Variants in CAMK2D observed in about 807,000 individuals in gnomAD.
CAMK2D encodes the protein calcium/calmodulin dependent protein kinase II delta.
In CAMK2D, 37 loss-of-function variants were observed where a neutral mutation model predicts 84.0. The observed-to-expected ratio is 0.44, with a 90% CI of 0.34 to 0.58. The LOEUF (loss-of-function observed/expected upper bound fraction) is 0.58. Among genes scored for constraint, CAMK2D ranks in the 20% least tolerant of loss-of-function variants. The pLI is 0.02. For missense variants in CAMK2D, 448 were observed against 652.5 expected, an observed-to-expected ratio of 0.69 and a Z score of 3.41; for synonymous variants, 202 against 212.5, an observed-to-expected ratio of 0.95 and a Z score of 0.43.
intron 4 of CAMK2D, among the ~76,000 whole-genome samples, chr4:113,580,552 C>T (rs2098803251): frequency 6.6e-6 from 1 of 152,110 alleles, no homozygotes; most frequent in Non-Finnish European, 1.5e-5. Flanking sequence ...ACTTCCTTAG[C>T]TGTAAAACAT....
chr4:113,618,638 A>C (rs2099031834), intron 3 of CAMK2D, among the ~76,000 whole-genome samples: 1 of 152,192 alleles, frequency 6.6e-6, no homozygotes, highest in Non-Finnish European at 1.5e-5. Context: ...TTATCCAATA[A>C]CATTTGCCTC....
chr4:113,734,374 TA>T (rs2148825410), intron 2 of CAMK2D, among the ~76,000 whole-genome samples: 1 of 152,296 alleles, frequency 6.6e-6, no homozygotes, highest in African/African-American at 2.4e-5. Flanking sequence ...AGGAAGGTCA[TA>T]AAAATACTTC....
chr4:113,577,715 C>T (rs1159123131), intron 4 of CAMK2D, among the ~76,000 whole-genome samples: 2 of 149,970 alleles, frequency 1.3e-5, no homozygotes, highest in Admixed American at 6.7e-5. Flanking sequence ...TTCTTTGGCT[C>T]ATTTGTGTTA....
intron 16 of CAMK2D, among the ~76,000 whole-genome samples, chr4:113,475,074 C>T (rs1476298383): frequency 6.6e-6 from 1 of 152,208 alleles, no homozygotes; most frequent in Admixed American, 6.5e-5. Flanking sequence ...TCAGTGATTT[C>T]AGTTGCTGTT....
At chr4:113,531,065 C>T (rs1177621623) in intron 8 of CAMK2D, 151 bp downstream of exon 8, 1 of 520,226 alleles carries the variant, frequency 1.9e-6, no homozygotes, top group African/African-American at 1.9e-5. Flanking sequence ...GCCTGGGCGA[C>T]AGAGCAAGAC....
rs539380299 is a variant in CAMK2D at position 113,527,761 on chromosome 4, T to C, written c.601+3455A>G. The stretch of plus-strand genomic sequence containing the variant: ...AATTTTCAAAAAATTCTTAATTTTT[T>C]TGGATTGACAAATTATGATTGAATA... On this transcript the variant is annotated intron_variant, in intron 8 of 20. Transcript: ENST00000511664. Among the ~76,000 whole-genome samples, 16 of 152,264 alleles carry C rather than the reference T, an allele frequency of 1.1e-4. No homozygotes were observed. In the South Asian group the frequency reaches 3.3e-3, roughly 32 times the overall value.
intron 16 of CAMK2D, among the ~76,000 whole-genome samples, chr4:113,480,253 G>A (rs116750677): frequency 0.013 from 2,012 of 152,126 alleles, 40 homozygotes; most frequent in African/African-American, 0.046. Flanking sequence ...GTGAACTACC[G>A]CACCCGGCCA....
chr4:113,507,768 G>A (rs974143955), intron 13 of CAMK2D, among the ~76,000 whole-genome samples: 1 of 151,990 alleles, frequency 6.6e-6, no homozygotes, highest in Non-Finnish European at 1.5e-5. Context: ...ATTGTTTGAA[G>A]GTTAATAAAC....
At chr4:113,695,129 C>T (rs1409562473) in intron 2 of CAMK2D, among the ~76,000 whole-genome samples, 1 of 152,020 alleles carries the variant, frequency 6.6e-6, no homozygotes, top group Non-Finnish European at 1.5e-5. Context: ...AAGAAAAGTA[C>T]AATGTTCCTC....
chr4:113,493,272 G>A (rs2097870811), intron 16 of CAMK2D, among the ~76,000 whole-genome samples: 1 of 151,966 alleles, frequency 6.6e-6, no homozygotes, highest in Non-Finnish European at 1.5e-5. Flanking sequence ...ATTTTGCAGT[G>A]GCTGGTACCG....
intron 3 of CAMK2D, 93 bp from the exon 4 acceptor site, chr4:113,609,299 G>T: frequency 1.4e-6 from 1 of 722,092 alleles, no homozygotes; most frequent in Admixed American, 2.0e-5. Flanking sequence ...CTCCTAGCTA[G>T]AAATGTTGGC....
intron 8 of CAMK2D, among the ~76,000 whole-genome samples, chr4:113,523,120 C>A (rs1170380508): frequency 6.6e-6 from 1 of 152,308 alleles, no homozygotes; most frequent in South Asian, 2.1e-4. Flanking sequence ...ACTATGGTGG[C>A]ACCCTGATCA....
intron 4 of CAMK2D, among the ~76,000 whole-genome samples, chr4:113,583,659 G>A (rs192206664): frequency 6.6e-6 from 1 of 152,278 alleles, no homozygotes; most frequent in Admixed American, 6.5e-5. Flanking sequence ...CTTATGGTTT[G>A]AAATGGGACC....
At chr4:113,479,865 T>G (rs936896248) in intron 16 of CAMK2D, among the ~76,000 whole-genome samples, 4 of 152,362 alleles carry the variant, frequency 2.6e-5, no homozygotes, top group South Asian at 4.1e-4. Flanking sequence ...GTATCACTAT[T>G]CAACATGAGT....
At chr4:113,494,963 C>T (rs1396676905) in intron 16 of CAMK2D, among the ~76,000 whole-genome samples, 1 of 152,234 alleles carries the variant, frequency 6.6e-6, no homozygotes, top group African/African-American at 2.4e-5. Context: ...ACCCCTTGCG[C>T]TTCCCAAGTG....
intron 2 of CAMK2D, among the ~76,000 whole-genome samples, chr4:113,696,160 G>A (rs147813981): frequency 6.1e-5 from 9 of 148,546 alleles, no homozygotes; most frequent in African/African-American, 9.9e-5. Flanking sequence ...AAATTGCAAC[G>A]CACACCACTT....
intron 8 of CAMK2D, among the ~76,000 whole-genome samples, chr4:113,524,869 A>T (rs1484201117): frequency 1.3e-5 from 2 of 152,198 alleles, no homozygotes; most frequent in African/African-American, 4.8e-5. Context: ...ATTGGTAAAG[A>T]CTATGATTGG....
rs1487331003 is a variant in CAMK2D, at chr4:113,537,399, C to T, written c.459G>A (p.Val153=). The T allele has an allele frequency of 1.6e-5, 26 of 1,613,134 alleles. No individual in the cohort carries two copies. Among genetic ancestry groups the T allele is most frequent in the Non-Finnish European group, 2.1e-5 (25 of 1,179,366 alleles). Reference sequence around the variant, plus strand: ...TGGCTAAGCCAAAGTCTGCCAATTTCACAGCTGCTCCCTTGGATTTGCTAG... The same window carrying T: ...TGGCTAAGCCAAAGTCTGCCAATTTTACAGCTGCTCCCTTGGATTTGCTAG... The part of the protein sequence containing the change: ...LLASKSKGAA[V]KLADFGLAIE... Residue 153 remains valine (V), a synonymous_variant, in exon 7 of 21, where the codon GTG becomes GTA. Coordinates refer to ENST00000511664, the MANE Select transcript of CAMK2D (RefSeq NM_001321571.2).
intron 2 of CAMK2D, among the ~76,000 whole-genome samples, chr4:113,712,236 G>A (rs1216231857): frequency 1.3e-5 from 2 of 152,038 alleles, no homozygotes; most frequent in Non-Finnish European, 2.9e-5. Context: ...GAAAAGCCCA[G>A]AATAGCCAAG....
Sources: allele counts gnomAD v4.1 joint callset (sites outside exome capture counted in the v4.1 genomes callset), GRCh38; gene constraint gnomAD v4.1.1; transcripts MANE v1.5; gene names NCBI Gene and HGNC (gene_info 2026-07-23, HGNC 2026-07-21).